WDR70: variants seen among roughly 807,000 people sequenced by gnomAD.
WDR70 encodes WD repeat domain 70.
In WDR70, 53 loss-of-function variants were observed where a neutral mutation model predicts 88.6. The ratio of observed to expected loss-of-function variants is 0.60; its 90% CI spans 0.48 to 0.75. The LOEUF (loss-of-function observed/expected upper bound fraction) is 0.75, where lower values mean the gene tolerates loss of function less well. Ranked by LOEUF, WDR70 falls within the 30% of genes least tolerant of loss-of-function variation. WDR70 has a pLI of 0.00. For synonymous variants in WDR70, 280 were observed against 270.0 expected (o/e 1.04, Z -0.36); for missense variants, 610 against 823.2 (o/e 0.74, Z 3.17).
intron 5 of WDR70, among the ~76,000 whole-genome samples, chr5:37,404,141 G>A (rs1032763490): frequency 6.6e-6 from 1 of 152,176 alleles, no homozygotes; most frequent in Non-Finnish European, 1.5e-5. Context: ...CAGTATAACT[G>A]TAGTGGAACT....
intron 9 of WDR70, among the ~76,000 whole-genome samples, chr5:37,574,234 GCT>G (rs372087061): frequency 1.5e-3 from 235 of 152,258 alleles, no homozygotes; most frequent in African/African-American, 5.2e-3. Context: ...CCCACAGTGT[GCT>G]CTCTTATTGG....
At chr5:37,435,433 A>G (rs535946146) in intron 5 of WDR70, among the ~76,000 whole-genome samples, 2 of 152,304 alleles carry the variant, frequency 1.3e-5, no homozygotes, top group Non-Finnish European at 2.9e-5. Context: ...TATTCAGTGT[A>G]GGAATAGTCC....
Position 37,629,041 on chromosome 5 carries a change from G to C in WDR70, c.1092+23803G>C, listed in dbSNP as rs373891931. ...CATTTCTGAAGGATAGCTTTGCAGG[G>C]TATAATATTTTTAGCTAGCAGGGTT... On this transcript the variant is annotated intron_variant, in intron 10 of 17. Transcript: ENST00000265107. Among the ~76,000 whole-genome samples the C allele has an allele frequency of 1.4e-4, 21 of 152,224 alleles. 1 individual carries two copies. The East Asian group carries it at 3.3e-3, about 24-fold the overall frequency.
intron 7 of WDR70, among the ~76,000 whole-genome samples, chr5:37,449,959 C>T (rs1194224913): frequency 1.3e-5 from 2 of 152,126 alleles, no homozygotes; most frequent in Non-Finnish European, 2.9e-5. Context: ...CATGTGTTCT[C>T]ATTGTTCAGC....
At chr5:37,422,594 C>T (rs1216019020) in intron 5 of WDR70, among the ~76,000 whole-genome samples, 1 of 152,104 alleles carries the variant, frequency 6.6e-6, no homozygotes, top group Non-Finnish European at 1.5e-5. Context: ...TCTTGTGCCT[C>T]AGCCTCCCGA....
chr5:37,389,340 C>T (rs1424131730), intron 3 of WDR70, among the ~76,000 whole-genome samples: 3 of 149,760 alleles, frequency 2.0e-5, no homozygotes, highest in Non-Finnish European at 2.9e-5. Context: ...GCAAGCCACC[C>T]GCCTCGGCCT....
intron 5 of WDR70, among the ~76,000 whole-genome samples, chr5:37,408,881 A>G (rs1749436044): frequency 1.3e-5 from 2 of 152,192 alleles, no homozygotes. Flanking sequence ...GTTTATTGGT[A>G]CTAATGCAAT....
In WDR70 at chr5:37,456,555, T is replaced by A. The variant is rs190964944; in HGVS notation, c.686+13183T>A. Among the ~76,000 whole-genome samples, 118 of 152,226 alleles carry A rather than the reference T, an allele frequency of 7.8e-4. 1 individual carries two copies. Among genetic ancestry groups the A allele is most frequent in the Admixed American group, 6.9e-3 (106 of 15,296 alleles). Reference sequence around the variant, plus strand: ...AGTAGTTTCCAAAAAAATTCCACTTTTGTAATATATAATTTATGTATTTGT... The same window carrying A: ...AGTAGTTTCCAAAAAAATTCCACTTATGTAATATATAATTTATGTATTTGT... On this transcript the variant is annotated intron_variant, in intron 7 of 17. Transcript: ENST00000265107.
intron 17 of WDR70, among the ~76,000 whole-genome samples, chr5:37,739,804 A>T (rs1393361070): frequency 2.0e-5 from 3 of 151,270 alleles, no homozygotes; most frequent in Admixed American, 6.6e-5. Flanking sequence ...AGCCCCCCAT[A>T]CCCCGACTGG....
chr5:37,505,406 C>T (rs1740529547), intron 8 of WDR70, among the ~76,000 whole-genome samples: 1 of 152,128 alleles, frequency 6.6e-6, no homozygotes, highest in Non-Finnish European at 1.5e-5. Flanking sequence ...TTGAGTGGAA[C>T]TTGCCTCTGG....
chr5:37,748,660 A>G (rs547479869), intron 17 of WDR70, among the ~76,000 whole-genome samples: 108 of 152,334 alleles, frequency 7.1e-4, no homozygotes, highest in African/African-American at 2.5e-3. Flanking sequence ...AAAAGAAACT[A>G]TCATCAGAGT....
At chr5:37,489,456 C>T (rs1739995628) in intron 8 of WDR70, among the ~76,000 whole-genome samples, 1 of 152,102 alleles carries the variant, frequency 6.6e-6, no homozygotes, top group Non-Finnish European at 1.5e-5. Flanking sequence ...GTCTTCAGAC[C>T]CCCAGGTGGT....
intron 10 of WDR70, among the ~76,000 whole-genome samples, chr5:37,695,641 C>A (rs10941361): frequency 0.42 from 63,709 of 151,946 alleles, 15,431 homozygotes; most frequent in Non-Finnish European, 0.54. Context: ...TGAAACACTT[C>A]TCATATCTCA....
At chr5:37,749,479 G>A (rs530483076) in intron 17 of WDR70, among the ~76,000 whole-genome samples, 1 of 151,916 alleles carries the variant, frequency 6.6e-6, no homozygotes, top group Non-Finnish European at 1.5e-5. Context: ...TAGAGGACAG[G>A]TCATGCAGCA....
chr5:37,560,576 T>G (rs1429605644), intron 9 of WDR70, among the ~76,000 whole-genome samples: 1 of 152,218 alleles, frequency 6.6e-6, no homozygotes, highest in Non-Finnish European at 1.5e-5. Flanking sequence ...TTATTAGTTA[T>G]TGCTAATTCC....
rs1747933252 is a variant in WDR70 at position 37,725,063 on chromosome 5, C to A, written c.1714+13C>A. 6 of 1,610,188 alleles carry A rather than the reference C, an allele frequency of 3.7e-6. No individual in the cohort carries two copies. The highest frequency in any genetic ancestry group is 5.1e-6 in the Non-Finnish European group (6 of 1,176,964). ...GTAGCAGGCCCAGGTGACTGTGATC[C>A]AGCTAGTGACCTGCAGAGGGGGTTC... On this transcript the variant is annotated intron_variant, in intron 16 of 17. Transcript: ENST00000265107.
At chr5:37,413,251 GTC>G (rs1206936392) in intron 5 of WDR70, among the ~76,000 whole-genome samples, 3 of 152,026 alleles carry the variant, frequency 2.0e-5, no homozygotes, top group Admixed American at 6.6e-5. Context: ...CCCTTTGCCT[GTC>G]TATAGTGGAA....
At chr5:37,462,069 C>T (rs1249302651) in intron 7 of WDR70, among the ~76,000 whole-genome samples, 1 of 152,008 alleles carries the variant, frequency 6.6e-6, no homozygotes, top group African/African-American at 2.4e-5. Flanking sequence ...TTTCAGTAGT[C>T]CTTTCATTTA....
intron 10 of WDR70, among the ~76,000 whole-genome samples, chr5:37,637,273 G>A (rs1744995870): frequency 6.6e-6 from 1 of 151,534 alleles, no homozygotes; most frequent in Non-Finnish European, 1.5e-5. Flanking sequence ...CCTGAGAGGC[G>A]AAGTTTGCAG....
Sources: gnomAD v4.1 joint callset for allele counts (sites outside exome capture counted in the v4.1 genomes callset) on GRCh38, gnomAD v4.1.1 for gene constraint, MANE v1.5 for transcripts, NCBI Gene and HGNC (gene_info 2026-07-23, HGNC 2026-07-21) for gene names.